LGSN: variants seen among roughly 807,000 people sequenced by gnomAD.
LGSN encodes the protein lengsin.
A neutral mutation model predicts 19.5 loss-of-function variants in LGSN; 21 were observed. The ratio of observed to expected loss-of-function variants is 1.07; its 90% CI spans 0.76 to 1.55. The LOEUF is 1.55. LGSN is among the 40% of genes most tolerant of loss of function. The pLI is 0.00. For synonymous variants in LGSN, 257 were observed against 215.6 expected (o/e 1.19, Z -1.68); for missense variants, 673 against 608.5 (o/e 1.11, Z -1.12).
chr6:63,315,995 T>C (rs953012355), intron 1 of LGSN, among the ~76,000 whole-genome samples: 44 of 152,132 alleles, frequency 2.9e-4, no homozygotes, highest in African/African-American at 1.0e-3. Context: ...GAATCAGAAT[T>C]TTACTTAATA....
chr6:63,437,718 T>C, the LGSN span, among the ~76,000 whole-genome samples: 1 of 151,816 alleles, frequency 6.6e-6, no homozygotes, highest in East Asian at 2.0e-4. Flanking sequence ...GGATTTGAGG[T>C]CAGGAGTTCG....
the LGSN span, among the ~76,000 whole-genome samples, chr6:63,506,930 A>G: frequency 6.6e-6 from 1 of 152,166 alleles, no homozygotes; most frequent in Non-Finnish European, 1.5e-5. Context: ...CTATCTTACT[A>G]GTATCCCTGC....
At chr6:63,345,218 G>T in the LGSN span, among the ~76,000 whole-genome samples, 1 of 152,228 alleles carries the variant, frequency 6.6e-6, no homozygotes, top group East Asian at 1.9e-4. Context: ...TATGTTTTGG[G>T]TTGGGTAATT....
chr6:63,408,661 A>G, the LGSN span, among the ~76,000 whole-genome samples: 2 of 150,920 alleles, frequency 1.3e-5, no homozygotes, highest in African/African-American at 2.5e-5. Flanking sequence ...AATGGCAACA[A>G]AAGCCAAAAG....
chr6:63,533,286 G>T, the LGSN span, among the ~76,000 whole-genome samples: 1 of 152,160 alleles, frequency 6.6e-6, no homozygotes, highest in South Asian at 2.1e-4. Context: ...GGAGGATGAG[G>T]CATGAGAATC....
chr6:63,440,457 GTGTC>G, the LGSN span, among the ~76,000 whole-genome samples: 1 of 152,064 alleles, frequency 6.6e-6, no homozygotes, highest in African/African-American at 2.4e-5. Flanking sequence ...ACCCTATAAT[GTGTC>G]TGTCTGCCTA....
chr6:63,511,915 A>T, the LGSN span, among the ~76,000 whole-genome samples: 1 of 152,084 alleles, frequency 6.6e-6, no homozygotes, highest in African/African-American at 2.4e-5. Flanking sequence ...GCAAGTAATT[A>T]AAAAAATTAA....
chr6:63,333,132 G>T, the LGSN span, among the ~76,000 whole-genome samples: 1 of 151,904 alleles, frequency 6.6e-6, no homozygotes, highest in Admixed American at 6.6e-5. Context: ...ACCCGAGCGG[G>T]TTCCCCCTGC....
At chr6:63,549,120 G>A in the LGSN span, 1 of 696,076 alleles carries the variant, frequency 1.4e-6, no homozygotes, top group Non-Finnish European at 2.6e-6. Context: ...TGGTCTCTTA[G>A]TGGGGATGCC....
At chr6:63,463,460 C>G in the LGSN span, among the ~76,000 whole-genome samples, 45 of 152,112 alleles carry the variant, frequency 3.0e-4, 1 homozygote, top group Admixed American at 2.9e-3. Flanking sequence ...CTAAAATATT[C>G]GTATTTGAGA....
At chr6:63,407,122 C>T in the LGSN span, among the ~76,000 whole-genome samples, 1 of 151,918 alleles carries the variant, frequency 6.6e-6, no homozygotes, top group African/African-American at 2.4e-5. Context: ...TGGTACCATT[C>T]CTTCTGAAAC....
chr6:63,409,576 T>C, the LGSN span, among the ~76,000 whole-genome samples: 3 of 152,190 alleles, frequency 2.0e-5, no homozygotes, highest in African/African-American at 7.2e-5. Context: ...GCTCTGACAG[T>C]TAATAGCTGT....
chr6:63,300,114 A>C (rs528749858), intron 1 of LGSN, among the ~76,000 whole-genome samples: 2 of 152,286 alleles, frequency 1.3e-5, no homozygotes, highest in East Asian at 3.9e-4. Flanking sequence ...GCAGCAGGAC[A>C]CAGCCAAGCC....
At chr6:63,412,529 G>GAAAGAAAGAAAGAAGGAAA in the LGSN span, among the ~76,000 whole-genome samples, 18 of 32,398 alleles carry the variant, frequency 5.6e-4, no homozygotes, top group South Asian at 1.2e-3. Context: ...AAAGAAAGAA[G>GAAAGAAAGAAAGAAGGAAA]GAAAGAAAGA....
chr6:63,378,462 G>A, the LGSN span, among the ~76,000 whole-genome samples: 11 of 152,214 alleles, frequency 7.2e-5, no homozygotes, highest in Middle Eastern at 6.8e-3. Context: ...GATATTAATG[G>A]CTGTCTTACT....
At chr6:63,475,017 C>T in the LGSN span, among the ~76,000 whole-genome samples, 48 of 151,716 alleles carry the variant, frequency 3.2e-4, no homozygotes, top group African/African-American at 1.1e-3. Context: ...AATATGCAAA[C>T]GAAATGTGTC....
the LGSN span, among the ~76,000 whole-genome samples, chr6:63,342,569 C>T: frequency 6.6e-6 from 1 of 152,042 alleles, no homozygotes; most frequent in Non-Finnish European, 1.5e-5. Flanking sequence ...TAAATTCAGT[C>T]AACAAAATGA....
At chr6:63,285,831 A>C (rs1424147610) in intron 2 of LGSN, 78 bp from the exon 3 acceptor site, 8 of 1,036,180 alleles carry the variant, frequency 7.7e-6, no homozygotes, top group Non-Finnish European at 1.2e-5. Context: ...AGACTAGTGA[A>C]TTAGTCAATA....
At chr6:63,360,657 T>A in the LGSN span, among the ~76,000 whole-genome samples, 34 of 152,358 alleles carry the variant, frequency 2.2e-4, no homozygotes, top group South Asian at 3.1e-3. Flanking sequence ...TCTCAACTCA[T>A]CAAAGTCATT....
Sources: gnomAD v4.1 joint callset for allele counts (sites outside exome capture counted in the v4.1 genomes callset) on GRCh38, gnomAD v4.1.1 for gene constraint, MANE v1.5 for transcripts, NCBI Gene and HGNC (gene_info 2026-07-23, HGNC 2026-07-21) for gene names.